The following MAP1B variants were observed in gnomAD, a reference collection of about 807,000 sequenced individuals.
MAP1B encodes microtubule associated protein 1B, also known as microtubule-associated protein 1B.
Under a neutral mutation model 176.1 loss-of-function variants are expected in MAP1B, and 12 were observed. The ratio of observed to expected loss-of-function variants is 0.07; its 90% CI spans 0.04 to 0.11. The LOEUF (loss-of-function observed/expected upper bound fraction) is 0.11, where lower values mean the gene tolerates loss of function less well. Among genes scored for constraint, MAP1B ranks in the 10% least tolerant of loss-of-function variants. The pLI is 1.00. For synonymous variants in MAP1B, 1,044 were observed against 1,135.0 expected (o/e 0.92, Z 1.61); for missense variants, 2,523 against 2,990.5 (o/e 0.84, Z 3.65).
intron 2 of MAP1B, among the ~76,000 whole-genome samples, chr5:72,153,948 C>T (rs1324724447): frequency 6.6e-6 from 1 of 152,048 alleles, no homozygotes. Context: ...TGACCTTCAC[C>T]ATATAATTTC....
At chr5:72,202,111 T>C (rs1453307718) in intron 5 of MAP1B, among the ~76,000 whole-genome samples, 2 of 152,256 alleles carry the variant, frequency 1.3e-5, no homozygotes, top group African/African-American at 4.8e-5. Flanking sequence ...ATTTTGGAGA[T>C]GCTTTTAGAT....
At chr5:72,161,012 G>A (rs1233067997) in intron 2 of MAP1B, among the ~76,000 whole-genome samples, 2 of 152,172 alleles carry the variant, frequency 1.3e-5, no homozygotes, top group Admixed American at 1.3e-4. Flanking sequence ...TACATCATAT[G>A]ACTAGTGAAT....
chr5:72,199,583 C>T lies in MAP1B; in HGVS notation c.6228C>T (p.Ala2076=), dbSNP rs762006580. ...CAGAAAAGAAGTCCCCCTCAGAAGC[C>T]CGTCAGGATGTCGATTTATGCCTCG... ...YTAEKKSPSE[A]RQDVDLCLVS... is the part of the protein sequence containing the mutation. Residue 2076 remains alanine (A), a synonymous_variant, in exon 5 of 7, where the codon GCC becomes GCT. Transcript: ENST00000296755. The surrounding 1 kb of genome is among the most constrained non-coding windows in gnomAD (Gnocchi z 4.2). 1.2e-5 allele frequency: 20 copies of T among 1,614,164 alleles called. No homozygotes were observed. The highest frequency in any genetic ancestry group is 1.6e-4 in the Middle Eastern group (1 of 6,062).
intron 2 of MAP1B, among the ~76,000 whole-genome samples, chr5:72,178,722 A>AGGG (rs766593145): frequency 1.6e-3 from 177 of 113,306 alleles, no homozygotes; most frequent in African/African-American, 6.1e-3. Flanking sequence ...GAAGCCTCTG[A>AGGG]GGGGTGTGTG....
rs1279200051 is a variant in MAP1B at position 72,163,238 on chromosome 5, A to C, written c.287-20505A>C. 4.6e-5 allele frequency among the ~76,000 whole-genome samples: 7 copies of C among 151,680 alleles called. No homozygotes were observed. The East Asian group carries it at 1.4e-3, about 29-fold the overall frequency. On this transcript the variant is annotated intron_variant, in intron 2 of 6. Transcript: ENST00000296755. ...ATGAGACTCCATCTCAAAAAAAAAA[A>C]AAAAAAAAAAGAAAGAAAAATATAG...
intron 5 of MAP1B, among the ~76,000 whole-genome samples, chr5:72,203,237 G>C (rs1320950368): frequency 6.6e-6 from 1 of 152,010 alleles, no homozygotes; most frequent in African/African-American, 2.4e-5. Flanking sequence ...ACTTCTTTAG[G>C]AGGAGTATTA....
rs779417636 is a variant in MAP1B at position 72,197,342 on chromosome 5, C to T, written c.3987C>T (p.Gly1329=). Residue 1329 remains glycine, a synonymous_variant, in exon 5 of 7, where the codon GGC becomes GGT. Transcript: ENST00000296755. ...TGTCACCATCTCAGTCCGTGACTGGCAGTGCTGGTCACACACCTTACTATC... is the reference window on the plus strand; with the variant it reads ...TGTCACCATCTCAGTCCGTGACTGGTAGTGCTGGTCACACACCTTACTATC... ...EVVSPSQSVT[G]SAGHTPYYQS... is the part of the protein sequence containing the mutation. 1.2e-6 allele frequency: 2 copies of T among 1,614,202 alleles called. No individual in the cohort carries two copies. Among genetic ancestry groups the T allele is most frequent in the Non-Finnish European group, 8.5e-7 (1 of 1,180,030 alleles).
intron 2 of MAP1B, among the ~76,000 whole-genome samples, chr5:72,130,349 A>G (rs1021133019): frequency 6.6e-6 from 1 of 152,202 alleles, no homozygotes; most frequent in African/African-American, 2.4e-5. Context: ...AACCATCGAA[A>G]TAGGGAGGCC....
At chr5:72,142,543 G>A (rs993550287) in intron 2 of MAP1B, among the ~76,000 whole-genome samples, 1 of 152,058 alleles carries the variant, frequency 6.6e-6, no homozygotes, top group African/African-American at 2.4e-5. Context: ...CAAATGTAAA[G>A]TTAAACCTTA....
chr5:72,143,263 T>C (rs1054287301), intron 2 of MAP1B, among the ~76,000 whole-genome samples: 3 of 152,178 alleles, frequency 2.0e-5, no homozygotes, highest in African/African-American at 7.2e-5. Flanking sequence ...AGATGCCAAA[T>C]AGAAAAGATA....
intron 2 of MAP1B, among the ~76,000 whole-genome samples, chr5:72,119,670 G>A (rs1185288780): frequency 6.6e-6 from 1 of 152,008 alleles, no homozygotes; most frequent in Non-Finnish European, 1.5e-5. Flanking sequence ...ATCACACCTA[G>A]GTAATTTTTT....
At chr5:72,120,813 G>A (rs1361086953) in intron 2 of MAP1B, among the ~76,000 whole-genome samples, 2 of 152,340 alleles carry the variant, frequency 1.3e-5, no homozygotes, top group South Asian at 2.1e-4. Context: ...AAATGTGAAC[G>A]AGTGCTGTCT....
chr5:72,163,915 TC>T (rs1263918725), intron 2 of MAP1B, among the ~76,000 whole-genome samples: 3 of 37,754 alleles, frequency 7.9e-5, no homozygotes, highest in South Asian at 1.7e-3. Flanking sequence ...TCTCTCTCTC[TC>T]TTTTTTTTTT....
chr5:72,163,312 T>C (rs970608133), intron 2 of MAP1B, among the ~76,000 whole-genome samples: 3 of 151,920 alleles, frequency 2.0e-5, no homozygotes, highest in Non-Finnish European at 4.4e-5. Context: ...TGAAGAGTTC[T>C]CTGACTCTAG....
chr5:72,204,909 T>C lies in MAP1B; in HGVS notation c.7252-175T>C, dbSNP rs903116279. 2.0e-5 allele frequency among the ~76,000 whole-genome samples: 3 copies of C among 152,244 alleles called. No homozygotes were observed. The highest frequency in any genetic ancestry group is 1.3e-4 in the Admixed American group (2 of 15,288). ...ACAATAGCTTTTCTTTGCAGCTTTA[T>C]TCTGGTTCCTGGAAAATATACATTG... On this transcript the variant is annotated intron_variant, in intron 6 of 6. Transcript: ENST00000296755. This position sits in a 1 kb window ranked among gnomAD's most constrained non-coding sequence, Gnocchi z 4.4.
intron 4 of MAP1B, among the ~76,000 whole-genome samples, chr5:72,188,694 G>A (rs1468259380): frequency 6.6e-6 from 1 of 152,084 alleles, no homozygotes; most frequent in Non-Finnish European, 1.5e-5. Context: ...ACCATGGACT[G>A]TGCACGTGTC....
intron 2 of MAP1B, among the ~76,000 whole-genome samples, chr5:72,151,441 T>C (rs564393704): frequency 3.9e-5 from 6 of 152,276 alleles, no homozygotes; most frequent in African/African-American, 1.4e-4. Context: ...TCATTGATCA[T>C]AGAACATAAA....
At chr5:72,173,630 C>T (rs1746586908) in intron 2 of MAP1B, among the ~76,000 whole-genome samples, 2 of 152,282 alleles carry the variant, frequency 1.3e-5, no homozygotes, top group Admixed American at 1.3e-4. Context: ...CCTGGCACAC[C>T]ACAGGGTTTC....
chr5:72,118,121 G>A (rs532922877), intron 2 of MAP1B, among the ~76,000 whole-genome samples: 20 of 152,314 alleles, frequency 1.3e-4, no homozygotes, highest in Admixed American at 3.3e-4. Context: ...GCTAACTCAT[G>A]TACTTCAGTT....
Sources: gnomAD v4.1 joint callset for allele counts (sites outside exome capture counted in the v4.1 genomes callset) on GRCh38, gnomAD v4.1.1 for gene constraint, Gnocchi (gnomAD v3.1) non-coding constraint, MANE v1.5 for transcripts, NCBI Gene and HGNC (gene_info 2026-07-23, HGNC 2026-07-21) for gene names.